Variants in MYO6 observed in about 807,000 individuals in gnomAD.
MYO6 encodes myosin VI.
MYO6 carries 74 observed loss-of-function variants against 178.7 expected under a neutral mutation model. The observed-to-expected ratio is 0.41, with a 90% confidence interval of 0.34 to 0.50. The LOEUF (loss-of-function observed/expected upper bound fraction) is 0.50. MYO6 is among the 20% of genes least tolerant of loss of function. The pLI is 0.09. For synonymous variants in MYO6, 477 were observed against 504.6 expected (o/e 0.95, Z 0.73); for missense variants, 1,330 against 1,547.4 (o/e 0.86, Z 2.36).
chr6:75,835,985 T>C, intron 7 of MYO6, 29 bp downstream of exon 7: 2 of 1,486,256 alleles, frequency 1.3e-6, no homozygotes, highest in Non-Finnish European at 9.4e-7. Context: ...TTGTTACGCG[T>C]GTACTGAAAT....
intron 1 of MYO6, among the ~76,000 whole-genome samples, chr6:75,798,683 A>T (rs1769108325): frequency 6.6e-6 from 1 of 152,228 alleles, no homozygotes; most frequent in South Asian, 2.1e-4. Context: ...GCAAAAGCTG[A>T]AACTATTCTC....
chr6:75,839,232 A>G (rs1397041764), intron 7 of MYO6, among the ~76,000 whole-genome samples: 1 of 152,010 alleles, frequency 6.6e-6, no homozygotes, highest in Non-Finnish European at 1.5e-5. Flanking sequence ...GCTGTCTCCC[A>G]GGCTGGAGTG....
chr6:75,825,525 G>A (rs946406276), intron 3 of MYO6, among the ~76,000 whole-genome samples: 2 of 152,144 alleles, frequency 1.3e-5, no homozygotes, highest in Non-Finnish European at 2.9e-5. Context: ...CCCAGGAGGC[G>A]GAGATTGCAG....
At chr6:75,844,866 T>G (rs1333376651) in intron 9 of MYO6, 31 bp from the exon 10 acceptor site, 1 of 1,524,578 alleles carries the variant, frequency 6.6e-7, no homozygotes, top group South Asian at 1.1e-5. Context: ...GGATCATATA[T>G]GTTAATTATG....
intron 1 of MYO6, among the ~76,000 whole-genome samples, chr6:75,783,786 A>G (rs913853763): frequency 1.3e-5 from 2 of 152,102 alleles, no homozygotes; most frequent in South Asian, 4.1e-4. Flanking sequence ...CTAGACCACA[A>G]CATAATTACA....
chr6:75,878,201 G>A (rs115020229), intron 20 of MYO6, among the ~76,000 whole-genome samples: 1,960 of 152,154 alleles, frequency 0.013, 47 homozygotes, highest in African/African-American at 0.045. Context: ...TTAACTCTAC[G>A]TCTTGGGTAT....
At chr6:75,797,176 A>G (rs1310629788) in intron 1 of MYO6, among the ~76,000 whole-genome samples, 2 of 152,106 alleles carry the variant, frequency 1.3e-5, no homozygotes, top group East Asian at 3.9e-4. Context: ...TTCAACCTCC[A>G]CTTCCTGGGG....
At chr6:75,910,499 T>C (rs1040134511) in intron 32 of MYO6, among the ~76,000 whole-genome samples, 1 of 152,110 alleles carries the variant, frequency 6.6e-6, no homozygotes, top group African/African-American at 2.4e-5. Flanking sequence ...TGTTTCTGTT[T>C]GTAATATATT....
intron 1 of MYO6, among the ~76,000 whole-genome samples, chr6:75,790,702 G>A (rs549042705): frequency 6.6e-6 from 1 of 152,148 alleles, no homozygotes; most frequent in African/African-American, 2.4e-5. Context: ...TCATTTTTCG[G>A]ACCATGTCAA....
At chr6:75,858,321 GT>G (rs1320748686) in intron 13 of MYO6, among the ~76,000 whole-genome samples, 1 of 152,024 alleles carries the variant, frequency 6.6e-6, no homozygotes, top group Non-Finnish European at 1.5e-5. Flanking sequence ...TTAAAAAATT[GT>G]TGGCCGGGTG....
At position 75,881,832 on chromosome 6, in the gene MYO6, T is replaced by C; in HGVS notation, c.2416+14T>C. 6.2e-7 allele frequency: 1 copy of C among 1,612,574 alleles called. No homozygotes were observed. Among genetic ancestry groups the C allele is most frequent in the Non-Finnish European group, 8.5e-7 (1 of 1,178,878 alleles). The stretch of plus-strand genomic sequence containing the variant: ...CAGTCATCAAATGTAGGTGTTTTCC[T>C]TTACACCTATAGGATCTTTCATTGT... On this transcript the variant is annotated intron_variant, in intron 23 of 34. Transcript: ENST00000369977.
chr6:75,777,994 A>C lies in MYO6; in HGVS notation c.-48+28571A>C, dbSNP rs147780916. ...TTACTTATAATGGCCAAGGTATAAG[A>C]CACCTTACAAATATTGTACAATATG... On this transcript the variant is annotated intron_variant, in intron 1 of 34. Coordinates refer to ENST00000369977, the MANE Select transcript of MYO6 (RefSeq NM_004999.4). 1.4e-3 allele frequency among the ~76,000 whole-genome samples: 207 copies of C among 152,226 alleles called. 1 individual carries two copies. Among genetic ancestry groups the C allele is most frequent in the African/African-American group, 4.7e-3 (194 of 41,544 alleles).
At chr6:75,759,506 T>A (rs994556726) in intron 1 of MYO6, among the ~76,000 whole-genome samples, 1 of 151,630 alleles carries the variant, frequency 6.6e-6, no homozygotes, top group African/African-American at 2.4e-5. Context: ...TTCCCTGATC[T>A]CTCTTCCCTC....
At chr6:75,849,603 GAAA>G in intron 11 of MYO6, among the ~76,000 whole-genome samples, 1 of 151,798 alleles carries the variant, frequency 6.6e-6, no homozygotes, top group African/African-American at 2.4e-5. Flanking sequence ...GGGACCAAGA[GAAA>G]AAAAAGCCAT....
At chr6:75,892,348 G>A (rs1397155234) in intron 27 of MYO6, among the ~76,000 whole-genome samples, 182 bp from the exon 28 acceptor site, 2 of 152,168 alleles carry the variant, frequency 1.3e-5, no homozygotes, top group Non-Finnish European at 2.9e-5. Context: ...ATGGGGATGT[G>A]TTTGAAGCAT....
intron 16 of MYO6, 39 bp downstream of exon 16, chr6:75,862,762 C>G (rs200352563): frequency 6.2e-7 from 1 of 1,606,282 alleles, no homozygotes; most frequent in Non-Finnish European, 8.5e-7. Context: ...TATGGTGGGA[C>G]GAGACATTAT....
At chr6:75,890,905 G>C (rs186273935) in intron 26 of MYO6, among the ~76,000 whole-genome samples, 16 of 152,294 alleles carry the variant, frequency 1.1e-4, no homozygotes, top group Non-Finnish European at 2.4e-4. Context: ...CCATGATAGG[G>C]TAGAGAGAAC....
At chr6:75,832,436 T>C (rs1583218313) in intron 5 of MYO6, among the ~76,000 whole-genome samples, 1 of 152,228 alleles carries the variant, frequency 6.6e-6, no homozygotes, top group East Asian at 1.9e-4. Flanking sequence ...TCCAGCTGAA[T>C]TTTTGGTTGC....
At chr6:75,889,743 C>T (rs944982256) in intron 25 of MYO6, among the ~76,000 whole-genome samples, 2 of 152,090 alleles carry the variant, frequency 1.3e-5, no homozygotes, top group Admixed American at 6.6e-5. Context: ...AGTATATTAC[C>T]TTATCCACAG....
Sources: gnomAD v4.1 joint callset for allele counts (sites outside exome capture counted in the v4.1 genomes callset) on GRCh38, gnomAD v4.1.1 for gene constraint, MANE v1.5 for transcripts, NCBI Gene and HGNC (gene_info 2026-07-23, HGNC 2026-07-21) for gene names.